Variants in ZBTB8OS observed in about 807,000 individuals in gnomAD.
ZBTB8OS encodes tRNA-splicing ligase-activating factor archease.
In ZBTB8OS, 16 loss-of-function variants were observed where a neutral mutation model predicts 29.3. That is an observed-to-expected ratio of 0.55 (90% CI 0.37 to 0.83). The LOEUF (loss-of-function observed/expected upper bound fraction) is 0.83. ZBTB8OS is among the 40% of genes least tolerant of loss of function. The pLI is 0.00. For synonymous variants in ZBTB8OS, 70 were observed against 64.6 expected (o/e 1.08, Z -0.40); for missense variants, 160 against 196.9 (o/e 0.81, Z 1.12).
Position 32,631,843 on chromosome 1 carries a change from T to C in ZBTB8OS, c.364A>G (p.Lys122Glu). The change falls in exon 5 of 7, where the codon AAA (lysine) becomes GAA (glutamate). Residue 122 changes from lysine to glutamate, a missense_variant. Transcript: ENST00000468695. ...AAAACTTACCCAATTGATCGTAATT[T>C]GAAATTTCTTTGATCAATGCTAAGT... ...KVLSIDQRNF[K>E]LRSIGWGEEF... 1 of 1,596,804 alleles carries C rather than the reference T, an allele frequency of 6.3e-7. No homozygotes were observed. Among genetic ancestry groups the C allele is most frequent in the Non-Finnish European group, 8.5e-7 (1 of 1,171,850 alleles).
intron 6 of ZBTB8OS, among the ~76,000 whole-genome samples, chr1:32,625,258 T>C (rs1432467937): frequency 1.4e-5 from 2 of 147,352 alleles, no homozygotes; most frequent in Non-Finnish European, 3.0e-5. Flanking sequence ...TAAAAAAAAC[T>C]GTTGGCTGGG....
intron 6 of ZBTB8OS, among the ~76,000 whole-genome samples, chr1:32,625,067 A>G (rs1207032980): frequency 3.3e-5 from 5 of 149,316 alleles, no homozygotes; most frequent in Admixed American, 1.3e-4. Context: ...CTACTAAAAT[A>G]CAAAAATTAG....
chr1:32,645,536 T>C (rs1486258128), intron 1 of ZBTB8OS, among the ~76,000 whole-genome samples: 1 of 152,174 alleles, frequency 6.6e-6, no homozygotes, highest in African/African-American at 2.4e-5. Flanking sequence ...CAATTTGTAC[T>C]AAAGGGCCAA....
At chr1:32,650,621 C>T, upstream of ZBTB8OS, 2 of 1,608,804 alleles carry the variant, frequency 1.2e-6, no homozygotes, top group East Asian at 4.5e-5. Context: ...CCCCTTGGCG[C>T]ACACCCTTAA....
At chr1:32,638,539 G>C (rs1646165223) in intron 1 of ZBTB8OS, among the ~76,000 whole-genome samples, 1 of 152,028 alleles carries the variant, frequency 6.6e-6, no homozygotes, top group South Asian at 2.1e-4. Context: ...AAGAGCTTTT[G>C]TTAATATGGG....
intron 2 of ZBTB8OS, chr1:32,634,279 T>C: frequency 5.4e-6 from 2 of 373,714 alleles, no homozygotes; most frequent in Non-Finnish European, 9.3e-6. Flanking sequence ...CAAGCTGGAG[T>C]GCAGTAGTGC....
chr1:32,637,706 G>C (rs1646087577), intron 1 of ZBTB8OS, among the ~76,000 whole-genome samples: 1 of 152,172 alleles, frequency 6.6e-6, no homozygotes, highest in Non-Finnish European at 1.5e-5. Context: ...GAGCAAAAGG[G>C]AACTTTCTCT....
chr1:32,647,041 CAAAAAAAAAAAAAAAAA>C (rs71006347), intron 1 of ZBTB8OS, among the ~76,000 whole-genome samples: 12 of 39,394 alleles, frequency 3.0e-4, no homozygotes, highest in East Asian at 2.3e-3. Flanking sequence ...GATACTGTCT[CAAAAAAAAAAAAAAAAA>C]AAAAAAAAAA....
At chr1:32,637,059 T>A (rs915852797) in intron 1 of ZBTB8OS, among the ~76,000 whole-genome samples, 1 of 151,984 alleles carries the variant, frequency 6.6e-6, no homozygotes, top group Non-Finnish European at 1.5e-5. Flanking sequence ...CTAATCACAT[T>A]TACACTGATC....
chr1:32,643,401 T>C (rs1646588360), intron 1 of ZBTB8OS, among the ~76,000 whole-genome samples: 1 of 151,922 alleles, frequency 6.6e-6, no homozygotes, highest in Non-Finnish European at 1.5e-5. Flanking sequence ...TTTTGGTTTT[T>C]TTTTCTTTAA....
intron 5 of ZBTB8OS, among the ~76,000 whole-genome samples, chr1:32,629,754 T>C (rs867128058): frequency 1.9e-3 from 253 of 136,510 alleles, no homozygotes; most frequent in Admixed American, 3.6e-3. Context: ...TGTTTCTTTT[T>C]TTTTTTTTTT....
Position 32,628,412 on chromosome 1 carries a change from G to A in ZBTB8OS, c.381-868C>T, listed in dbSNP as rs186142670. Among the ~76,000 whole-genome samples, 20 of 151,690 alleles carry A rather than the reference G, an allele frequency of 1.3e-4. No homozygotes were observed. In the East Asian group the frequency reaches 2.5e-3, roughly 19 times the overall value. ...AGCACTTTGGGAGGCCGAGGTAGGC[G>A]GATCACCTGAGGTCAGGAGTTCAAG... On this transcript the variant is annotated intron_variant, in intron 5 of 6. Transcript: ENST00000468695.
chr1:32,638,027 G>T (rs1646116480), intron 1 of ZBTB8OS, among the ~76,000 whole-genome samples: 1 of 151,876 alleles, frequency 6.6e-6, no homozygotes, highest in African/African-American at 2.4e-5. Flanking sequence ...AGTATAGACA[G>T]GATTTTGCCA....
In ZBTB8OS at chr1:32,627,462, G is replaced by T. The variant is rs371480722; in HGVS notation, c.417+46C>A. 6.3e-6 allele frequency: 10 copies of T among 1,588,980 alleles called. No individual in the cohort carries two copies. In the African/African-American group the frequency reaches 1.3e-4, roughly 21 times the overall value. On this transcript the variant is annotated intron_variant, in intron 6 of 6. Coordinates refer to ENST00000468695, the MANE Select transcript of ZBTB8OS (RefSeq NM_178547.5). ...GATTGTCACATATATGAACTTTATG[G>T]TAAGGAAATTTTTCATGTTCTTAAT...
chr1:32,650,070 G>A (rs1252863343), intron 1 of ZBTB8OS, among the ~76,000 whole-genome samples: 2 of 152,132 alleles, frequency 1.3e-5, no homozygotes, highest in Non-Finnish European at 2.9e-5. Flanking sequence ...TTAGCTTTCC[G>A]AGTCCTCTAA....
chr1:32,621,119 G>A lies in ZBTB8OS; in HGVS notation c.*743C>T, dbSNP rs893575410. 2 of 152,198 alleles carry A rather than the reference G, an allele frequency of 1.3e-5. No individual in the cohort carries two copies. The highest frequency in any genetic ancestry group is 2.9e-5 in the Non-Finnish European group (2 of 68,084). The allele number at this position is 152,198 out of a possible 1,614,324, so 9.4% of individuals were successfully genotyped here. On this transcript the variant is annotated 3_prime_UTR_variant, in exon 7 of 7. Coordinates refer to ENST00000468695, the MANE Select transcript of ZBTB8OS (RefSeq NM_178547.5). ...TGCATATAGAAAATCTATGTCTTGT[G>A]GCCGGGCATGGTAGCTCATGCCTGT...
chr1:32,647,260 C>CT (rs1258465113), intron 1 of ZBTB8OS, among the ~76,000 whole-genome samples: 4 of 31,044 alleles, frequency 1.3e-4, no homozygotes, highest in East Asian at 9.3e-4. Context: ...CCCAGCTACT[C>CT]TGTCTCAAAA....
At chr1:32,647,041 C>CGAAAA (rs1646894922) in intron 1 of ZBTB8OS, among the ~76,000 whole-genome samples, 1 of 39,386 alleles carries the variant, frequency 2.5e-5, no homozygotes, top group Non-Finnish European at 4.3e-5. Context: ...GATACTGTCT[C>CGAAAA]AAAAAAAAAA....
chr1:32,626,787 G>A (rs527751895), intron 6 of ZBTB8OS, among the ~76,000 whole-genome samples: 31 of 152,260 alleles, frequency 2.0e-4, no homozygotes, highest in African/African-American at 6.0e-4. Context: ...GACCTAAAGC[G>A]ATCTGCCTGC....
Sources: allele counts gnomAD v4.1 joint callset (sites outside exome capture counted in the v4.1 genomes callset), GRCh38; gene constraint gnomAD v4.1.1; transcripts MANE v1.5; gene names NCBI Gene and HGNC (gene_info 2026-07-23, HGNC 2026-07-21).